The following ZNF345 variants were observed in gnomAD, a reference collection of about 807,000 sequenced individuals.
ZNF345 encodes the protein zinc finger protein HZF10.
For missense variants in ZNF345, 527 were observed against 589.9 expected, an observed-to-expected ratio of 0.89 and a Z score of 1.10; for synonymous variants, 166 against 187.9, an observed-to-expected ratio of 0.88 and a Z score of 0.95.
downstream of ZNF345, among the ~76,000 whole-genome samples, chr19:36,882,051 G>GT (rs557132155): frequency 0.016 from 2,171 of 134,618 alleles, 22 homozygotes; most frequent in South Asian, 0.025. Flanking sequence ...CATTTTACTT[G>GT]TTTTTTTTTT....
intron 2 of ZNF345, among the ~76,000 whole-genome samples, chr19:36,866,867 G>T (rs185782591): frequency 3.3e-4 from 51 of 152,280 alleles, no homozygotes; most frequent in Admixed American, 2.0e-3. Flanking sequence ...GAATAGTTTA[G>T]ATATATCTTG....
chr19:36,857,540 C>G (rs918957067), intron 2 of ZNF345, among the ~76,000 whole-genome samples: 3 of 152,038 alleles, frequency 2.0e-5, no homozygotes, highest in Non-Finnish European at 2.9e-5. Context: ...AACTCCCGAC[C>G]CCAGGTGATC....
chr19:36,855,798 CA>C (rs1293044375), intron 2 of ZNF345, among the ~76,000 whole-genome samples: 25 of 152,314 alleles, frequency 1.6e-4, no homozygotes, highest in Admixed American at 1.4e-3. Flanking sequence ...CTATCACCTC[CA>C]CTGTGCTGTG....
intron 2 of ZNF345, among the ~76,000 whole-genome samples, chr19:36,874,101 C>CT (rs993465513): frequency 3.3e-5 from 5 of 152,186 alleles, no homozygotes; most frequent in African/African-American, 7.2e-5. Context: ...AAACCGTACA[C>CT]TTTTTTATAC....
At chr19:36,852,521 C>T (rs370927644) in intron 2 of ZNF345, among the ~76,000 whole-genome samples, 4 of 151,380 alleles carry the variant, frequency 2.6e-5, no homozygotes, top group East Asian at 1.9e-4. Context: ...TGAGGAGAAT[C>T]GCTTGAACCC....
chr19:36,877,733 C>G lies in ZNF345; in HGVS notation c.903C>G (p.Leu301=), dbSNP rs879019294. Residue 301 remains leucine, a synonymous_variant, in exon 3 of 3, where the codon CTC becomes CTG. Transcript: ENST00000420450. ...AGGCTTTTAATAGTGGCTCAGATCTCACTCAGCATCAGAGAATTCACACTG... is the reference window on the plus strand; with the variant it reads ...AGGCTTTTAATAGTGGCTCAGATCTGACTCAGCATCAGAGAATTCACACTG... The part of the protein sequence containing the change: ...CGKAFNSGSD[L]TQHQRIHTGE... The G allele has an allele frequency of 6.2e-7, 1 of 1,605,370 alleles. No homozygotes were observed. The highest frequency in any genetic ancestry group is 2.3e-5 in the East Asian group (1 of 44,292).
chr19:36,859,885 C>G (rs1365393361), intron 2 of ZNF345, among the ~76,000 whole-genome samples: 1 of 151,906 alleles, frequency 6.6e-6, no homozygotes, highest in East Asian at 1.9e-4. Context: ...TCTGCACACA[C>G]ACACACACAC....
rs1026529203 is a variant in ZNF345 at position 36,892,799 on chromosome 19, T to G, written c.47-19T>G. 1.6e-5 allele frequency: 10 copies of G among 615,862 alleles called. No homozygotes were observed. Among genetic ancestry groups the G allele is most frequent in the Non-Finnish European group, 2.4e-5 (10 of 420,642 alleles). The allele number at this position is 615,862 out of a possible 1,614,324, so 38.1% of individuals were successfully genotyped here. ...AGATTCTAATTAAAAAAAAAAAATT[T>G]TTTTTGCCCCCACCCCAGATCCCCC... On this transcript the variant is annotated intron_variant, in intron 3 of 3. Transcript: ENST00000526123.
At chr19:36,858,786 A>T (rs374565929) in intron 2 of ZNF345, among the ~76,000 whole-genome samples, 1 of 152,242 alleles carries the variant, frequency 6.6e-6, no homozygotes, top group African/African-American at 2.4e-5. Flanking sequence ...AATCAAAATA[A>T]AAAATAAAAA....
At chr19:36,891,808 T>G (rs1381052653) in intron 3 of ZNF345, 7 of 1,614,208 alleles carry the variant, frequency 4.3e-6, no homozygotes, top group Non-Finnish European at 5.9e-6. Context: ...CTTCCCACAC[T>G]GCTTACATTC....
chr19:36,853,245 C>CT (rs902150512), intron 2 of ZNF345, among the ~76,000 whole-genome samples: 7,260 of 106,468 alleles, frequency 0.068, 510 homozygotes, highest in African/African-American at 0.17. Context: ...TTCTTTCTTT[C>CT]TTTTTTTTTT....
intron 3 of ZNF345, among the ~76,000 whole-genome samples, chr19:36,885,322 G>T (rs181453255): frequency 1.3e-4 from 20 of 151,432 alleles, no homozygotes; most frequent in African/African-American, 4.6e-4. Flanking sequence ...TGTATGCAGG[G>T]TTGGTAAGAC....
In ZNF345 at chr19:36,877,223, AAACCTT is replaced by A; in HGVS notation, c.395_400del (p.Asn132_Leu133del). 6.2e-7 allele frequency: 1 copy of A among 1,614,054 alleles called. No homozygotes were observed. The highest frequency in any genetic ancestry group is 1.1e-5 in the South Asian group (1 of 91,080). On this transcript the variant is annotated inframe_deletion, in exon 3 of 3. Transcript: ENST00000420450. The stretch of plus-strand genomic sequence containing the variant: ...GTGGGAAGGCCTTTGGTAGTGGCTC[AAACCTT>A]ACTCACCATCAGAGAATTCATACTG...
chr19:36,858,721 G>A (rs999538381), intron 2 of ZNF345, among the ~76,000 whole-genome samples: 1 of 152,080 alleles, frequency 6.6e-6, no homozygotes, highest in Non-Finnish European at 1.5e-5. Flanking sequence ...AGCCAAGATT[G>A]CACCACTGCA....
downstream of ZNF345, among the ~76,000 whole-genome samples, chr19:36,883,265 T>A (rs959227426): frequency 1.5e-4 from 23 of 152,346 alleles, no homozygotes; most frequent in Middle Eastern, 3.4e-3. Context: ...GAAAAGTAAC[T>A]AAAATTCTCA....
intron 2 of ZNF345, among the ~76,000 whole-genome samples, chr19:36,872,315 C>T (rs575183074): frequency 2.6e-5 from 4 of 152,198 alleles, no homozygotes; most frequent in East Asian, 1.9e-4. Flanking sequence ...TTGTCCCCTC[C>T]GAATCTTATG....
intron 3 of ZNF345, chr19:36,889,208 C>A (rs1438524484): frequency 6.6e-6 from 1 of 152,040 alleles, no homozygotes; most frequent in African/African-American, 2.4e-5. Flanking sequence ...TAGTATTTTG[C>A]TGAAGATTTT....
chr19:36,861,907 G>A (rs992174264), intron 2 of ZNF345, among the ~76,000 whole-genome samples: 1 of 147,434 alleles, frequency 6.8e-6, no homozygotes, highest in African/African-American at 2.5e-5. Flanking sequence ...TGTCACCCAG[G>A]CTGCAGTGCA....
downstream of ZNF345, chr19:36,893,104 A>G: frequency 2.5e-6 from 1 of 397,796 alleles, no homozygotes; most frequent in Non-Finnish European, 4.4e-6. Context: ...ACTGTTAAGA[A>G]TAACAAATGT....
Sources: gnomAD v4.1 joint callset for allele counts (sites outside exome capture counted in the v4.1 genomes callset) on GRCh38, gnomAD v4.1.1 for gene constraint, MANE v1.5 for transcripts, NCBI Gene and HGNC (gene_info 2026-07-23, HGNC 2026-07-21) for gene names.